Variants in LRP5 observed in about 807,000 individuals in gnomAD.
The protein encoded by LRP5 is low-density lipoprotein receptor-related protein 5.
A neutral mutation model predicts 154.1 loss-of-function variants in LRP5; 62 were observed. That is an observed-to-expected ratio of 0.40 (90% CI 0.33 to 0.50). The LOEUF (loss-of-function observed/expected upper bound fraction) is 0.50. LRP5 is among the 20% of genes least tolerant of loss of function. The pLI, the probability that LRP5 is intolerant of heterozygous loss-of-function variation, is 0.55. For missense variants in LRP5, 1,915 were observed against 2,336.7 expected, an observed-to-expected ratio of 0.82 and a Z score of 3.72; for synonymous variants, 966 against 1,011.5, an observed-to-expected ratio of 0.96 and a Z score of 0.85.
Position 68,426,097 on chromosome 11 carries a change from A to T in LRP5, c.3547A>T (p.Thr1183Ser), listed in dbSNP as rs748687344. The T allele has an allele frequency of 1.9e-5, 30 of 1,613,324 alleles. No homozygotes were observed. Among genetic ancestry groups the T allele is most frequent in the Non-Finnish European group, 2.5e-5 (29 of 1,180,026 alleles). Residue 1183 changes from threonine (T) to serine (S), a missense_variant, in exon 16 of 23, where the codon ACC (threonine) becomes TCC (serine). Transcript: ENST00000294304. ...QQQMIERVEK[T>S]TGDKRTRIQG... The stretch of plus-strand genomic sequence containing the variant: ...GCAGATGATCGAGCGTGTGGAGAAG[A>T]CCACCGGGGACAAGCGGACTCGCAT...
Position 68,348,106 on chromosome 11 carries a change from G to A in LRP5, c.351G>A (p.Trp117Ter). Residue 117 changes from tryptophan to a stop codon, truncating the protein, a stop_gained, in exon 2 of 23, where the codon TGG becomes TGA. Coordinates refer to ENST00000294304, the MANE Select transcript of LRP5 (RefSeq NM_002335.4). LOFTEE classifies it high-confidence loss of function. ...CTCCCGACGGCCTCGCCTGCGACTG[G>A]GTGGGCAAGAAGCTGTACTGGACGG... ...LVSPDGLACD[W>*]VGKKLYWTDS... 3.1e-6 allele frequency: 5 copies of A among 1,614,144 alleles called. No individual in the cohort carries two copies. The highest frequency in any genetic ancestry group is 4.2e-6 in the Non-Finnish European group (5 of 1,180,042).
chr11:68,336,285 G>T (rs1350941502), intron 1 of LRP5, among the ~76,000 whole-genome samples: 1 of 152,184 alleles, frequency 6.6e-6, no homozygotes, highest in Admixed American at 6.5e-5. Flanking sequence ...TTAGAGGGGT[G>T]CTCACTGTCC....
Position 68,312,738 on chromosome 11 carries a change from G to T in LRP5, c.24G>T (p.Pro8=). 9.4e-7 allele frequency: 1 copy of T among 1,061,044 alleles called. No homozygotes were observed. The allele number at this position is 1,061,044 out of a possible 1,614,324, so 65.7% of individuals were successfully genotyped here. MEAAPPG[P]PWPLLLLLLL... is the part of the protein sequence containing the mutation. ...ACATGGAGGCAGCGCCGCCCGGGCC[G>T]CCGTGGCCGCTGCTGCTGCTGCTGC... The change falls in exon 1 of 23, where the codon CCG becomes CCT. Residue 8 remains proline (P), a synonymous_variant. Coordinates refer to ENST00000294304, the MANE Select transcript of LRP5 (RefSeq NM_002335.4).
chr11:68,362,465 C>T lies in LRP5; in HGVS notation c.687-1282C>T, dbSNP rs1388730641. Among the ~76,000 whole-genome samples, 5 of 152,274 alleles carry T rather than the reference C, an allele frequency of 3.3e-5. No homozygotes were observed. The East Asian group carries it at 7.7e-4, about 23-fold the overall frequency. On this transcript the variant is annotated intron_variant, in intron 3 of 22. Coordinates refer to ENST00000294304, the MANE Select transcript of LRP5 (RefSeq NM_002335.4). ...TGAGAGGCCAAGGCGGGTGGATCGC[C>T]TGAGCTCAGGGCTTCAAGACCAGCC...
At chr11:68,396,866 A>C (rs1328656312) in intron 7 of LRP5, among the ~76,000 whole-genome samples, 1 of 152,078 alleles carries the variant, frequency 6.6e-6, no homozygotes, top group Non-Finnish European at 1.5e-5. Context: ...GGTTGCTTGG[A>C]GCCGCATCCG....
Position 68,380,151 on chromosome 11 carries a change from C to T in LRP5, c.1016-6165C>T, listed in dbSNP as rs181339664. Among the ~76,000 whole-genome samples the T allele has an allele frequency of 1.9e-3, 296 of 152,308 alleles. 1 individual carries two copies. The highest frequency in any genetic ancestry group is 3.4e-3 in the Non-Finnish European group (230 of 68,026). ...TTCGTCTCAAAAACAAAGTCACACA[C>T]GCTTCTTGTACGAGGGTCATTTGGC... On this transcript the variant is annotated intron_variant, in intron 5 of 22. Transcript: ENST00000294304.
intron 1 of LRP5, among the ~76,000 whole-genome samples, chr11:68,328,608 C>T (rs551699924): frequency 1.6e-3 from 238 of 152,316 alleles, no homozygotes; most frequent in Admixed American, 5.3e-3. Flanking sequence ...AGCCGACTGT[C>T]GGGGGGTTTG....
chr11:68,346,244 G>A (rs1260705900), intron 1 of LRP5, among the ~76,000 whole-genome samples: 1 of 152,204 alleles, frequency 6.6e-6, no homozygotes, highest in Non-Finnish European at 1.5e-5. Context: ...GTCCCTCGTT[G>A]CCACAAAGAA....
At position 68,413,728 on chromosome 11, in the gene LRP5, C is replaced by T. The variant is rs1281959115; in HGVS notation, c.2543C>T (p.Pro848Leu). Reference protein sequence around the residue: ...RVVIADDLPHPFGLTQYSDYI... With the variant: ...RVVIADDLPHLFGLTQYSDYI... The stretch of plus-strand genomic sequence containing the variant: ...GTGATTGCCGACGATCTCCCGCACC[C>T]GTTCGGTCTGACGCAGTACAGCGAT... Residue 848 changes from proline (P) to leucine (L), a missense_variant, in exon 12 of 23, where the codon CCG becomes CTG. Pro to Leu is a moderately conservative substitution (Grantham distance 98). This residue lies in a region of LRP5 where 1,094 missense variants were observed against 1,210.1 expected (regional missense o/e 0.90). Coordinates refer to ENST00000294304, the MANE Select transcript of LRP5 (RefSeq NM_002335.4). This position sits in a 1 kb window ranked among gnomAD's most constrained non-coding sequence, Gnocchi z 5.1. 5.0e-6 allele frequency: 8 copies of T among 1,613,644 alleles called. No individual in the cohort carries two copies. The highest frequency in any genetic ancestry group is 6.8e-6 in the Non-Finnish European group (8 of 1,179,908).
chr11:68,438,410 T>A, intron 19 of LRP5, 36 bp from the exon 20 acceptor site: 1 of 1,588,370 alleles, frequency 6.3e-7, no homozygotes, highest in Non-Finnish European at 8.6e-7. Flanking sequence ...CCGTTGGGGT[T>A]AATGTTGGCC....
chr11:68,340,978 G>T (rs759339668), intron 1 of LRP5, among the ~76,000 whole-genome samples: 1 of 148,808 alleles, frequency 6.7e-6, no homozygotes, highest in Non-Finnish European at 1.5e-5. Context: ...TGTTGTTACC[G>T]CAGTCATTTT....
chr11:68,347,714 G>T, intron 1 of LRP5, 133 bp from the exon 2 acceptor site: 1 of 1,101,924 alleles, frequency 9.1e-7, no homozygotes, highest in Non-Finnish European at 1.4e-6. Context: ...CCTTAGGGGT[G>T]GGAGGAAGGA....
At chr11:68,442,603 A>T (rs1196891249) in intron 21 of LRP5, among the ~76,000 whole-genome samples, 1 of 152,220 alleles carries the variant, frequency 6.6e-6, no homozygotes, top group Non-Finnish European at 1.5e-5. Flanking sequence ...TAAGCCCGAA[A>T]GATAGCATCT....
upstream of LRP5, among the ~76,000 whole-genome samples, chr11:68,309,816 C>G (rs1271487299): frequency 6.6e-6 from 1 of 152,204 alleles, no homozygotes; most frequent in African/African-American, 2.4e-5. Context: ...GAGGCCCTCT[C>G]TCCTGGCTGC....
rs1357148333 is a variant in LRP5 at position 68,447,496 on chromosome 11, A to G, written c.4586+963A>G. On this transcript the variant is annotated intron_variant, in intron 22 of 22. Transcript: ENST00000294304. The surrounding 1 kb of genome is among the most constrained non-coding windows in gnomAD (Gnocchi z 4.3). ...GGTCGGGCCACCTCCCTGATGCCTC[A>G]GTATTATATCAAACTGTCACAGTCT... Among the ~76,000 whole-genome samples the G allele has an allele frequency of 2.6e-5, 4 of 152,114 alleles. No individual in the cohort carries two copies. The highest frequency in any genetic ancestry group is 1.3e-4 in the Admixed American group (2 of 15,264).
intron 21 of LRP5, among the ~76,000 whole-genome samples, chr11:68,442,964 C>G (rs2098678966): frequency 6.6e-6 from 1 of 152,096 alleles, no homozygotes; most frequent in Non-Finnish European, 1.5e-5. Context: ...GTGGCTGGGC[C>G]CCCACTGGAG....
intron 21 of LRP5, among the ~76,000 whole-genome samples, chr11:68,443,165 A>G (rs779786227): frequency 2.0e-4 from 31 of 151,994 alleles, no homozygotes; most frequent in Non-Finnish European, 3.2e-4. Flanking sequence ...ATCTTCATTT[A>G]TATTTATTTT....
chr11:68,433,477 G>A lies in LRP5; in HGVS notation c.3764-125G>A, dbSNP rs12416761. On this transcript the variant is annotated intron_variant, in intron 17 of 22. Transcript: ENST00000294304. Reference sequence around the variant, plus strand: ...GGAGGATGTGCGGGTGCAGCACCCCGTACAGCAGGGATGCCAAACCCGCGC... The same window carrying A: ...GGAGGATGTGCGGGTGCAGCACCCCATACAGCAGGGATGCCAAACCCGCGC... The A allele has an allele frequency of 0.074, 63,260 of 859,224 alleles. 2,897 individuals are homozygous for A. Among genetic ancestry groups the A allele is most frequent in the African/African-American group, 0.17 (10,478 of 60,978 alleles). The allele number at this position is 859,224 out of a possible 1,614,324, so 53.2% of individuals were successfully genotyped here. A position where few individuals can be genotyped will look rare whatever the true frequency, so the allele number is the denominator to read the frequency against.
At position 68,411,454 on chromosome 11, in the gene LRP5, G is replaced by C; in HGVS notation, c.2337G>C (p.Glu779Asp). The C allele has an allele frequency of 6.2e-7, 1 of 1,612,386 alleles. No homozygotes were observed. ...CTTCCAGCTACATCTACTGGACCGAGTGGGGCGGCAAGCCGAGGATCGTGC... is the reference window on the plus strand; with the variant it reads ...CTTCCAGCTACATCTACTGGACCGACTGGGGCGGCAAGCCGAGGATCGTGC... ...DPTKGYIYWT[E>D]WGGKPRIVRA... The change falls in exon 11 of 23, where the codon GAG becomes GAC. Residue 779 changes from glutamate (E) to aspartate (D), a missense_variant. Coordinates refer to ENST00000294304, the MANE Select transcript of LRP5 (RefSeq NM_002335.4).
Sources: gnomAD v4.1 joint callset for allele counts (sites outside exome capture counted in the v4.1 genomes callset) on GRCh38, gnomAD v4.1.1 for gene constraint, gnomAD v4.1.1 regional missense constraint, Gnocchi (gnomAD v3.1) non-coding constraint, MANE v1.5 for transcripts, NCBI Gene and HGNC (gene_info 2026-07-23, HGNC 2026-07-21) for gene names.